Variants in C8orf76 observed in about 807,000 individuals in gnomAD.
The protein encoded by C8orf76 is uncharacterized protein C8orf76.
Under a neutral mutation model 38.1 loss-of-function variants are expected in C8orf76, and 46 were observed. The observed-to-expected ratio is 1.21, with a 90% CI of 0.95 to 1.54. The LOEUF (loss-of-function observed/expected upper bound fraction) is 1.54. C8orf76 is among the 40% of genes most tolerant of loss of function. The pLI, the probability that C8orf76 is intolerant of heterozygous loss-of-function variation, is 0.00. For synonymous variants in C8orf76, 166 were observed against 167.5 expected (o/e 0.99, Z 0.07); for missense variants, 461 against 441.6 (o/e 1.04, Z -0.39).
intron 4 of C8orf76, among the ~76,000 whole-genome samples, chr8:123,226,936 G>A (rs1296444816): frequency 6.6e-6 from 1 of 152,200 alleles, no homozygotes; most frequent in Non-Finnish European, 1.5e-5. Flanking sequence ...AGAGCTTCCT[G>A]TGGAAGTCAA....
chr8:123,232,406 G>A (rs1470955576), intron 3 of C8orf76, among the ~76,000 whole-genome samples: 1 of 152,156 alleles, frequency 6.6e-6, no homozygotes, highest in African/African-American at 2.4e-5. Context: ...CTTAACCAGC[G>A]CCAACATCTC....
chr8:123,236,901 T>C (rs1490760553), intron 3 of C8orf76: 3 of 1,079,650 alleles, frequency 2.8e-6, no homozygotes, highest in Admixed American at 1.7e-5. Flanking sequence ...ACCCTTGAGA[T>C]CGAGCCCAGC....
Position 123,240,463 on chromosome 8 carries a change from C to T in C8orf76, c.117+767G>A, listed in dbSNP as rs558892112. ...CCCACCACAGTGCCCGGAACACTTC[C>T]GTATTTTCCATAAATATTAGTTTTG... On this transcript the variant is annotated intron_variant, in intron 1 of 5. Transcript: ENST00000276704. Among the ~76,000 whole-genome samples the T allele has an allele frequency of 2.0e-5, 3 of 152,274 alleles. No homozygotes were observed. The East Asian group carries it at 5.8e-4, about 29-fold the overall frequency.
intron 3 of C8orf76, chr8:123,236,933 G>A (rs1825510197): frequency 6.9e-7 from 1 of 1,450,266 alleles, no homozygotes; most frequent in Non-Finnish European, 9.7e-7. Flanking sequence ...TCAGGACAAG[G>A]AGGGCATCCC....
chr8:123,240,577 A>G (rs981061518), intron 1 of C8orf76, among the ~76,000 whole-genome samples: 2 of 152,226 alleles, frequency 1.3e-5, no homozygotes, highest in Non-Finnish European at 2.9e-5. Context: ...ATTAATAAAA[A>G]CTGTTAGGCA....
intron 3 of C8orf76, among the ~76,000 whole-genome samples, chr8:123,232,985 T>C (rs767708165): frequency 1.3e-5 from 2 of 152,218 alleles, no homozygotes; most frequent in Non-Finnish European, 2.9e-5. Context: ...GCTACCCTTC[T>C]TCTGTAACCA....
At chr8:123,226,737 C>T in intron 4 of C8orf76, 105 bp from the exon 5 acceptor site, 1 of 1,454,742 alleles carries the variant, frequency 6.9e-7, no homozygotes, top group Non-Finnish European at 9.0e-7. Flanking sequence ...GAGTCGGCTG[C>T]AAGTCCCACC....
intron 4 of C8orf76, among the ~76,000 whole-genome samples, chr8:123,228,520 G>T (rs1428362277): frequency 6.6e-6 from 1 of 152,106 alleles, no homozygotes; most frequent in Non-Finnish European, 1.5e-5. Flanking sequence ...TCGGGAGGCT[G>T]AGGCAGGAGA....
intron 3 of C8orf76, among the ~76,000 whole-genome samples, chr8:123,233,246 T>G (rs936375409): frequency 6.6e-6 from 1 of 152,140 alleles, no homozygotes; most frequent in Non-Finnish European, 1.5e-5. Flanking sequence ...CTCGAACTCC[T>G]GACCTCAAGT....
chr8:123,227,778 T>C (rs181332614), intron 4 of C8orf76, among the ~76,000 whole-genome samples: 10 of 152,086 alleles, frequency 6.6e-5, no homozygotes, highest in East Asian at 1.9e-4. Flanking sequence ...TTGCAGGCCA[T>C]GGAAAGAAAT....
intron 3 of C8orf76, among the ~76,000 whole-genome samples, chr8:123,235,328 GCTGT>G (rs1391057463): frequency 1.1e-4 from 17 of 152,166 alleles, no homozygotes; most frequent in African/African-American, 2.9e-4. Context: ...CCCGGGACTT[GCTGT>G]CTATTTTGTT....
At chr8:123,230,480 G>C (rs1386644631) in intron 4 of C8orf76, among the ~76,000 whole-genome samples, 1 of 152,022 alleles carries the variant, frequency 6.6e-6, no homozygotes, top group East Asian at 1.9e-4. Flanking sequence ...CTTGGACAAT[G>C]ACACAGGTTA....
intron 3 of C8orf76, among the ~76,000 whole-genome samples, chr8:123,232,884 T>C (rs1488714238): frequency 6.6e-6 from 1 of 152,228 alleles, no homozygotes; most frequent in Non-Finnish European, 1.5e-5. Context: ...CCATCACAGA[T>C]GTTAAATCAC....
chr8:123,231,201 C>A (rs867770372), intron 4 of C8orf76, 99 bp downstream of exon 4: 1 of 1,404,672 alleles, frequency 7.1e-7, no homozygotes, highest in Non-Finnish European at 9.4e-7. Context: ...AAATATATAC[C>A]AAATGTCTAG....
intron 4 of C8orf76, among the ~76,000 whole-genome samples, chr8:123,230,998 A>G (rs1447404551): frequency 6.6e-6 from 1 of 152,102 alleles, no homozygotes; most frequent in Non-Finnish European, 1.5e-5. Context: ...GGATTTCACC[A>G]TGTTGCTCAG....
intron 4 of C8orf76, among the ~76,000 whole-genome samples, chr8:123,230,285 A>G (rs1354686027): frequency 6.6e-6 from 1 of 152,228 alleles, no homozygotes; most frequent in African/African-American, 2.4e-5. Flanking sequence ...TGTAGAATGA[A>G]TTAAGCATCA....
chr8:123,226,725 T>C (rs974486109), intron 4 of C8orf76, 93 bp from the exon 5 acceptor site: 14 of 1,480,354 alleles, frequency 9.5e-6, no homozygotes, highest in African/African-American at 8.5e-5. Flanking sequence ...AGCCCAGGTA[T>C]TGAGTCGGCT....
At chr8:123,227,168 C>CTGCG (rs1398346332) in intron 4 of C8orf76, among the ~76,000 whole-genome samples, 4 of 152,116 alleles carry the variant, frequency 2.6e-5, no homozygotes, top group African/African-American at 7.2e-5. Flanking sequence ...GACAACCACT[C>CTGCG]TGCGATACCT....
intron 1 of C8orf76, 118 bp downstream of exon 1, chr8:123,241,112 C>A: frequency 9.9e-7 from 1 of 1,005,678 alleles, no homozygotes; most frequent in South Asian, 1.9e-5. Context: ...ACGCGGCGGG[C>A]GCTGGAGCCT....
Sources: gnomAD v4.1 joint callset for allele counts (sites outside exome capture counted in the v4.1 genomes callset) on GRCh38, gnomAD v4.1.1 for gene constraint, MANE v1.5 for transcripts, NCBI Gene and HGNC (gene_info 2026-07-23, HGNC 2026-07-21) for gene names.